HHAT: variants seen among roughly 807,000 people sequenced by gnomAD.
The protein encoded by HHAT is hedgehog acyltransferase, also known as protein-cysteine N-palmitoyltransferase HHAT.
A neutral mutation model predicts 70.8 loss-of-function variants in HHAT; 47 were observed. That is an observed-to-expected ratio of 0.66 (90% confidence interval 0.53 to 0.85). HHAT has a LOEUF of 0.85. Among genes scored for constraint, HHAT ranks in the 40% least tolerant of loss-of-function variants. HHAT has a pLI of 0.00. For missense variants in HHAT, 609 were observed against 604.8 expected, an observed-to-expected ratio of 1.01 and a Z score of -0.07; for synonymous variants, 228 against 247.6, an observed-to-expected ratio of 0.92 and a Z score of 0.74.
chr1:210,591,248 T>G (rs1661627568), intron 10 of HHAT, among the ~76,000 whole-genome samples: 1 of 152,128 alleles, frequency 6.6e-6, no homozygotes, highest in Non-Finnish European at 1.5e-5. Context: ...TTACTCTCTG[T>G]CTCCACAAGT....
chr1:210,654,853 A>G (rs1239697950), intron 11 of HHAT, among the ~76,000 whole-genome samples: 1 of 152,224 alleles, frequency 6.6e-6, no homozygotes, highest in Admixed American at 6.5e-5. Context: ...CCAGGGGCAC[A>G]GGGAGGGTAC....
At chr1:210,575,130 C>T (rs1405608497) in intron 9 of HHAT, among the ~76,000 whole-genome samples, 4 of 152,166 alleles carry the variant, frequency 2.6e-5, no homozygotes, top group Non-Finnish European at 5.9e-5. Context: ...AGGGTGGGCT[C>T]TTTCCCCTAC....
intron 8 of HHAT, among the ~76,000 whole-genome samples, chr1:210,468,023 A>G (rs2094138213): frequency 6.6e-6 from 1 of 152,132 alleles, no homozygotes; most frequent in African/African-American, 2.4e-5. Context: ...CCAAACCTGA[A>G]AGTTAGAACC....
At chr1:210,510,656 C>T (rs971400484) in intron 8 of HHAT, among the ~76,000 whole-genome samples, 1 of 152,158 alleles carries the variant, frequency 6.6e-6, no homozygotes, top group Non-Finnish European at 1.5e-5. Flanking sequence ...GCAAGTAATT[C>T]GTGCATTTTA....
At chr1:210,597,790 G>T (rs79457905) in intron 10 of HHAT, among the ~76,000 whole-genome samples, 3,701 of 152,014 alleles carry the variant, frequency 0.024, 162 homozygotes, top group African/African-American at 0.082. Flanking sequence ...TGGAACTGGG[G>T]ACCCCAATAG....
At chr1:210,633,725 C>G (rs1671318332) in intron 11 of HHAT, among the ~76,000 whole-genome samples, 1 of 152,218 alleles carries the variant, frequency 6.6e-6, no homozygotes, top group African/African-American at 2.4e-5. Context: ...GTCAGGCTGG[C>G]AGATTGAGGC....
At chr1:210,652,353 A>G (rs997113325) in intron 11 of HHAT, among the ~76,000 whole-genome samples, 1 of 152,212 alleles carries the variant, frequency 6.6e-6, no homozygotes. Context: ...AACCCCTTGC[A>G]GAGATTATGA....
At chr1:210,361,847 G>A (rs1483675055) in intron 2 of HHAT, among the ~76,000 whole-genome samples, 7 of 152,084 alleles carry the variant, frequency 4.6e-5, no homozygotes, top group African/African-American at 9.6e-5. Context: ...AGCTCCACCC[G>A]CATCCATGCA....
At chr1:210,410,785 C>T (rs955987296) in intron 6 of HHAT, among the ~76,000 whole-genome samples, 13 of 152,062 alleles carry the variant, frequency 8.5e-5, no homozygotes, top group Non-Finnish European at 1.5e-4. Flanking sequence ...CTTGGCCTCC[C>T]TAAGTGCTGG....
intron 9 of HHAT, among the ~76,000 whole-genome samples, chr1:210,526,191 G>A (rs938186090): frequency 3.9e-5 from 6 of 152,080 alleles, no homozygotes; most frequent in African/African-American, 9.7e-5. Context: ...CACTGGAGAC[G>A]GGGAGCCCCT....
At chr1:210,560,845 A>C (rs1015853604) in intron 9 of HHAT, among the ~76,000 whole-genome samples, 1 of 146,884 alleles carries the variant, frequency 6.8e-6, no homozygotes, top group Admixed American at 7.0e-5. Flanking sequence ...AAAAAAAAAA[A>C]AAAAAACCAG....
At position 210,661,281 on chromosome 1, in the gene HHAT, G is replaced by A. The variant is rs560763590; in HGVS notation, c.1391-13007G>A. On this transcript the variant is annotated intron_variant, in intron 11 of 11. Coordinates refer to ENST00000261458, the MANE Select transcript of HHAT (RefSeq NM_018194.6). ...TAGGAACAGACACTTCTCAAACGAA[G>A]ACATTTATGCAGCCAACAGACACAT... is the stretch of plus-strand genomic sequence containing the variant. 2.0e-5 allele frequency among the ~76,000 whole-genome samples: 3 copies of A among 152,302 alleles called. No individual in the cohort carries two copies. The East Asian group carries it at 5.8e-4, about 29-fold the overall frequency.
At chr1:210,557,748 C>G (rs183727081) in intron 9 of HHAT, among the ~76,000 whole-genome samples, 1 of 152,180 alleles carries the variant, frequency 6.6e-6, no homozygotes, top group Non-Finnish European at 1.5e-5. Flanking sequence ...CCCTGTGATT[C>G]AATTATTTCC....
intron 7 of HHAT, among the ~76,000 whole-genome samples, chr1:210,426,334 C>T (rs1166793024): frequency 6.6e-6 from 1 of 152,126 alleles, no homozygotes; most frequent in Non-Finnish European, 1.5e-5. Context: ...CACTTTATTT[C>T]TTTCTCTTGC....
chr1:210,389,914 C>G (rs1047669264), intron 4 of HHAT, among the ~76,000 whole-genome samples: 4 of 152,136 alleles, frequency 2.6e-5, no homozygotes, highest in African/African-American at 9.7e-5. Flanking sequence ...GTGGAGGGGA[C>G]AAACATTCAA....
intron 10 of HHAT, among the ~76,000 whole-genome samples, chr1:210,605,470 C>CA (rs1394845943): frequency 6.6e-6 from 1 of 152,188 alleles, no homozygotes; most frequent in Non-Finnish European, 1.5e-5. Context: ...ACTTGGACAA[C>CA]ATGGGTTTCG....
At chr1:210,430,510 A>T (rs1467865055) in intron 7 of HHAT, among the ~76,000 whole-genome samples, 1 of 151,882 alleles carries the variant, frequency 6.6e-6, no homozygotes, top group African/African-American at 2.4e-5. Context: ...GTTTTTTCTT[A>T]GCAACTTTGA....
intron 8 of HHAT, among the ~76,000 whole-genome samples, chr1:210,506,662 G>GA (rs2094859759): frequency 6.6e-6 from 1 of 152,230 alleles, no homozygotes; most frequent in East Asian, 1.9e-4. Flanking sequence ...TTTCAGAAGA[G>GA]AACCCCTATT....
At chr1:210,672,151 C>T (rs573719042) in intron 11 of HHAT, among the ~76,000 whole-genome samples, 1 of 152,298 alleles carries the variant, frequency 6.6e-6, no homozygotes, top group African/African-American at 2.4e-5. Flanking sequence ...TTAACTTGCT[C>T]GAGGTTCCAC....
Sources: gnomAD v4.1 joint callset for allele counts (sites outside exome capture counted in the v4.1 genomes callset) on GRCh38, gnomAD v4.1.1 for gene constraint, MANE v1.5 for transcripts, NCBI Gene and HGNC (gene_info 2026-07-23, HGNC 2026-07-21) for gene names.